The following LPA variants were observed in gnomAD, a reference collection of about 807,000 sequenced individuals.
LPA encodes the protein lipoprotein(a), also known as apolipoprotein(a).
In LPA, 199 loss-of-function variants were observed where a neutral mutation model predicts 197.9. The observed-to-expected ratio is 1.01, with a 90% CI of 0.90 to 1.13. The LOEUF (loss-of-function observed/expected upper bound fraction) is 1.13, where lower values mean the gene tolerates loss of function less well. LPA is among the 50% of genes most tolerant of loss of function. The pLI is 0.00. For missense variants in LPA, 1,853 were observed against 1,785.8 expected (o/e 1.04, Z -0.68); for synonymous variants, 715 against 639.5 (o/e 1.12, Z -1.78).
At chr6:160,556,272 G>A in intron 29 of LPA, 88 bp from the exon 30 acceptor site, 1 of 1,248,404 alleles carries the variant, frequency 8.0e-7, no homozygotes, top group Non-Finnish European at 1.2e-6. Context: ...AGTAGTTTCA[G>A]AATTATGACT....
In LPA at chr6:160,546,087, T is replaced by C. The variant is rs540402420; in HGVS notation, c.5305-554A>G. ...CCTAAATCCCTTGGAGTTTCCTGGG[T>C]GAAGGGAGCTGCAATGAAGCAACTC... On this transcript the variant is annotated intron_variant, in intron 32 of 38. Coordinates refer to ENST00000316300, the MANE Select transcript of LPA (RefSeq NM_005577.4). Among the ~76,000 whole-genome samples, 3 of 152,132 alleles carry C rather than the reference T, an allele frequency of 2.0e-5. No individual in the cohort carries two copies. In the South Asian group the frequency reaches 6.3e-4, roughly 32 times the overall value.
chr6:160,650,278 CT>C, intron 2 of LPA, 59 bp downstream of exon 2: 1 of 1,582,616 alleles, frequency 6.3e-7, no homozygotes, highest in Admixed American at 1.7e-5. Flanking sequence ...TGACGCACAC[CT>C]TTTCTAAGAC....
At chr6:160,653,973 TAATATATA>T (rs1780057902) in intron 1 of LPA, among the ~76,000 whole-genome samples, 1 of 21,102 alleles carries the variant, frequency 4.7e-5, no homozygotes, top group Non-Finnish European at 7.9e-5. Context: ...ATATTATATA[TAATATATA>T]ATATATAATA....
At chr6:160,597,432 C>T (rs7771129) in intron 20 of LPA, among the ~76,000 whole-genome samples, 1 of 152,010 alleles carries the variant, frequency 6.6e-6, no homozygotes, top group Non-Finnish European at 1.5e-5. Context: ...TTTCAATGCT[C>T]GTGTGGCTCT....
intron 16 of LPA, 100 bp from the exon 17 acceptor site, chr6:160,606,758 C>G: frequency 6.6e-7 from 1 of 1,520,702 alleles, no homozygotes; most frequent in Non-Finnish European, 9.1e-7. Context: ...TTACCAGTGC[C>G]TTTCTAATAT....
At chr6:160,584,733 G>A (rs1172389568) in intron 26 of LPA, among the ~76,000 whole-genome samples, 1 of 152,098 alleles carries the variant, frequency 6.6e-6, no homozygotes, top group East Asian at 1.9e-4. Context: ...AAGACTGCAT[G>A]GACCTTTAGT....
intron 31 of LPA, 142 bp from the exon 32 acceptor site, chr6:160,548,079 A>G (rs1022866884): frequency 3.9e-6 from 3 of 768,232 alleles, no homozygotes; most frequent in Non-Finnish European, 6.5e-6. Flanking sequence ...AGGAGCCACA[A>G]CGCTGAAGAC....
At position 160,646,749 on chromosome 6, in the gene LPA, C is replaced by T. The variant is rs1456627409; in HGVS notation, c.210-354G>A. Among the ~76,000 whole-genome samples the T allele has an allele frequency of 2.8e-5, 4 of 143,542 alleles. No individual in the cohort carries two copies. The East Asian group carries it at 8.2e-4, about 29-fold the overall frequency. 94.2% of individuals were successfully genotyped at this position (143,542 alleles called of 152,430 possible). A position where few individuals can be genotyped will look rare whatever the true frequency, so the allele number is the denominator to read the frequency against. On this transcript the variant is annotated intron_variant, in intron 2 of 38. Coordinates refer to ENST00000316300, the MANE Select transcript of LPA (RefSeq NM_005577.4). ...GAATAACTGGTATGGGTTTTGACGT[C>T]TGTATTGTGGGATTGTGTATTCACA... is the stretch of plus-strand genomic sequence containing the variant.
chr6:160,540,285 C>A, intron 35 of LPA, 102 bp from the exon 36 acceptor site: 1 of 1,352,488 alleles, frequency 7.4e-7, no homozygotes, highest in Non-Finnish European at 1.1e-6. Flanking sequence ...CTCGGCCACC[C>A]AGAATCAGTG....
chr6:160,587,793 GTGTGTGTT>G (rs1432872837), intron 24 of LPA, among the ~76,000 whole-genome samples: 1,453 of 128,468 alleles, frequency 0.011, 27 homozygotes, highest in African/African-American at 0.04. Context: ...GTGTGTGTGT[GTGTGTGTT>G]TCTGTCTGTT....
chr6:160,646,593 T>C (rs1779883639), intron 2 of LPA, among the ~76,000 whole-genome samples, 198 bp from the exon 3 acceptor site: 1 of 78,608 alleles, frequency 1.3e-5, no homozygotes, highest in Non-Finnish European at 2.5e-5. Context: ...CTTAATAGAT[T>C]ATTACTATTT....
chr6:160,541,941 G>A (rs577867866), intron 34 of LPA, among the ~76,000 whole-genome samples: 9 of 152,314 alleles, frequency 5.9e-5, no homozygotes, highest in Non-Finnish European at 1.3e-4. Flanking sequence ...CAGGTTTGTC[G>A]ATGGCATTTC....
At position 160,605,265 on chromosome 6, in the gene LPA, G is replaced by T. The variant is rs1430740644; in HGVS notation, c.2786-60C>A. On this transcript the variant is annotated intron_variant, in intron 17 of 38. Coordinates refer to ENST00000316300, the MANE Select transcript of LPA (RefSeq NM_005577.4). ...TTCCAAGAAGAGACAAACATGTGAA[G>T]CCACTTATGGCACAAACCAGAAAAA... 3.0e-5 allele frequency: 48 copies of T among 1,588,590 alleles called. No homozygotes were observed. In the East Asian group the frequency reaches 1.1e-3, roughly 35 times the overall value.
chr6:160,590,657 C>G (rs1779007487), intron 23 of LPA, among the ~76,000 whole-genome samples: 1 of 152,138 alleles, frequency 6.6e-6, no homozygotes, highest in Non-Finnish European at 1.5e-5. Flanking sequence ...TTAGAATATC[C>G]ATTTTCACTA....
intron 28 of LPA, among the ~76,000 whole-genome samples, chr6:160,571,154 G>A (rs1466308687): frequency 6.6e-6 from 1 of 151,932 alleles, no homozygotes; most frequent in Non-Finnish European, 1.5e-5. Flanking sequence ...CCACTTGATC[G>A]ATTTTGCTAT....
rs776635926 is a variant in LPA at position 160,537,947 on chromosome 6, G to A, written c.5750C>T (p.Thr1917Ile). 2.5e-5 allele frequency: 40 copies of A among 1,614,214 alleles called. No homozygotes were observed. Among genetic ancestry groups the A allele is most frequent in the Non-Finnish European group, 3.2e-5 (38 of 1,180,014 alleles). Reference protein sequence around the residue: ...LLKLSRPAVITDKVMPACLPS... With the variant: ...LLKLSRPAVIIDKVMPACLPS... The stretch of plus-strand genomic sequence containing the variant: ...CAGACAAGCTGGCATTACTTTGTCA[G>A]TGATGACGGCAGGCCTGTAAGGAAA... The change falls in exon 37 of 39, where the codon ACT becomes ATT. Residue 1917 changes from threonine (T) to isoleucine (I), a missense_variant. Transcript: ENST00000316300.
At chr6:160,560,258 A>G (rs558122807) in intron 28 of LPA, among the ~76,000 whole-genome samples, 14 of 152,294 alleles carry the variant, frequency 9.2e-5, no homozygotes, top group Non-Finnish European at 1.3e-4. Context: ...ATACGTGTGC[A>G]TGTGTCTTTA....
chr6:160,572,931 C>T (rs1035362187), intron 28 of LPA, among the ~76,000 whole-genome samples: 3 of 152,118 alleles, frequency 2.0e-5, no homozygotes, highest in African/African-American at 7.2e-5. Context: ...CTTTGTGCTG[C>T]TTGTATTTAC....
chr6:160,634,661 C>A (rs1479826005), intron 7 of LPA, among the ~76,000 whole-genome samples: 4 of 151,482 alleles, frequency 2.6e-5, no homozygotes, highest in South Asian at 2.1e-4. Context: ...AGACCCAGGA[C>A]CATATGGAAT....
Sources: allele counts gnomAD v4.1 joint callset (sites outside exome capture counted in the v4.1 genomes callset), GRCh38; gene constraint gnomAD v4.1.1; transcripts MANE v1.5; gene names NCBI Gene and HGNC (gene_info 2026-07-23, HGNC 2026-07-21).